Variants in FRY observed in about 807,000 individuals in gnomAD.
FRY encodes protein furry homolog.
Under a neutral mutation model 348.4 loss-of-function variants are expected in FRY, and 128 were observed. The observed-to-expected ratio is 0.37, with a 90% CI of 0.32 to 0.43. The LOEUF is 0.43. Among genes scored for constraint, FRY ranks in the 20% least tolerant of loss-of-function variants. The pLI, the probability that FRY is intolerant of heterozygous loss-of-function variation, is 1.00. For synonymous variants in FRY, 1,370 were observed against 1,374.7 expected (o/e 1.00, Z 0.08); for missense variants, 2,736 against 3,695.2 (o/e 0.74, Z 6.73).
chr13:32,155,772 G>A, intron 15 of FRY, 110 bp downstream of exon 15: 1 of 687,832 alleles, frequency 1.5e-6, no homozygotes, highest in Admixed American at 2.9e-5. Flanking sequence ...AGAAGTAGAT[G>A]ATAAGACATT....
Position 32,186,364 on chromosome 13 carries a change from G to A in FRY, c.3424G>A (p.Asp1142Asn). ...CTTCAGCATTATGTTCACTCCTCTGGATCGTTACAGTGACAGAAATCATCA... is the reference window on the plus strand; with the variant it reads ...CTTCAGCATTATGTTCACTCCTCTGAATCGTTACAGTGACAGAAATCATCA... ...GPFSIMFTPLDRYSDRNHQIT... is the reference protein window; with the variant it reads ...GPFSIMFTPLNRYSDRNHQIT... The change falls in exon 27 of 61, where the codon GAT (aspartate) becomes AAT (asparagine). Residue 1142 changes from aspartate (D) to asparagine (N), a missense_variant. Around this residue, in one of 9 missense-constraint regions of FRY, gnomAD observed 33 missense variants for 86.7 expected, o/e 0.38. Coordinates refer to ENST00000542859, the MANE Select transcript of FRY (RefSeq NM_023037.3). 1 of 1,609,112 alleles carries A rather than the reference G, an allele frequency of 6.2e-7. No individual in the cohort carries two copies.
chr13:32,114,660 T>C (rs912818690), intron 3 of FRY, among the ~76,000 whole-genome samples: 3 of 152,214 alleles, frequency 2.0e-5, no homozygotes, highest in African/African-American at 4.8e-5. Flanking sequence ...ACCTATGTAA[T>C]AATTAAGATA....
In FRY at chr13:32,101,130, G is replaced by A. The variant is rs115886613; in HGVS notation, c.271-833G>A. 5.8e-3 allele frequency among the ~76,000 whole-genome samples: 874 copies of A among 151,916 alleles called. 4 individuals are homozygous for A. The highest frequency in any genetic ancestry group is 0.018 in the African/African-American group (756 of 41,388). ...TTCCATTTCCTCTCATTCCTCTCTC[G>A]CCAGCCCCTGGTAACTACCATTCTA... On this transcript the variant is annotated intron_variant, in intron 2 of 60. Coordinates refer to ENST00000542859, the MANE Select transcript of FRY (RefSeq NM_023037.3).
chr13:32,149,762 T>G lies in FRY; in HGVS notation c.1407T>G (p.Phe469Leu), dbSNP rs1389136273. ...TTTTACTACAGGAACGTTTAGATTT[T>G]GCAATGAAAGAAATCATTTTCGATT... ...IQFIAQERLD[F>L]AMKEIIFDFL... The change falls in exon 14 of 61, where the codon TTT becomes TTG. Residue 469 changes from phenylalanine (F) to leucine (L), a missense_variant. By Grantham distance (22) the Phe-to-Leu change is conservative. This residue lies in a region of FRY where 191 missense variants were observed against 370.2 expected (regional missense o/e 0.52). Coordinates refer to ENST00000542859, the MANE Select transcript of FRY (RefSeq NM_023037.3). The G allele has an allele frequency of 1.0e-5, 16 of 1,599,448 alleles. No individual in the cohort carries two copies. The highest frequency in any genetic ancestry group is 1.3e-5 in the Non-Finnish European group (15 of 1,166,808).
chr13:32,213,365 A>G (rs1452665334), intron 35 of FRY, among the ~76,000 whole-genome samples: 2 of 152,198 alleles, frequency 1.3e-5, no homozygotes, highest in Non-Finnish European at 2.9e-5. Flanking sequence ...TCCTCACTGC[A>G]TCACTGGGCA....
intron 17 of FRY, among the ~76,000 whole-genome samples, chr13:32,162,277 C>T (rs1310744940): frequency 6.6e-6 from 1 of 152,134 alleles, no homozygotes; most frequent in Non-Finnish European, 1.5e-5. Flanking sequence ...AATAGTCATG[C>T]TGACTGAATG....
chr13:32,096,327 AG>A (rs1566068260), intron 2 of FRY, among the ~76,000 whole-genome samples: 2 of 149,258 alleles, frequency 1.3e-5, no homozygotes, highest in African/African-American at 5.1e-5. Context: ...ACTGTGTACT[AG>A]GGGTATGGAG....
intron 1 of FRY, among the ~76,000 whole-genome samples, chr13:32,064,335 G>C (rs1015014281): frequency 1.3e-5 from 2 of 151,856 alleles, no homozygotes; most frequent in African/African-American, 4.8e-5. Flanking sequence ...TCTATCAACA[G>C]TTATTTCTAG....
chr13:32,121,491 G>C (rs1205694709), intron 4 of FRY, among the ~76,000 whole-genome samples: 1 of 152,052 alleles, frequency 6.6e-6, no homozygotes, highest in African/African-American at 2.4e-5. Flanking sequence ...GAGTAAGTTG[G>C]TATCACATGT....
At chr13:32,056,035 A>G (rs1446609328) in intron 1 of FRY, among the ~76,000 whole-genome samples, 2 of 152,038 alleles carry the variant, frequency 1.3e-5, no homozygotes, top group Non-Finnish European at 2.9e-5. Flanking sequence ...TACTAAAAAT[A>G]CAAAAATTAG....
At chr13:32,046,460 C>A (rs1873020965) in intron 1 of FRY, among the ~76,000 whole-genome samples, 1 of 152,190 alleles carries the variant, frequency 6.6e-6, no homozygotes, top group Non-Finnish European at 1.5e-5. Flanking sequence ...GACCAAGCCT[C>A]CATCTCCTCT....
At chr13:32,230,227 C>T (rs1037426881) in intron 40 of FRY, among the ~76,000 whole-genome samples, 4 of 152,176 alleles carry the variant, frequency 2.6e-5, no homozygotes, top group Non-Finnish European at 4.4e-5. Flanking sequence ...TTCTACCCTC[C>T]GCCCTCCAGT....
At position 32,104,879 on chromosome 13, in the gene FRY, T is replaced by C. The variant is rs535617872; in HGVS notation, c.324+2863T>C. On this transcript the variant is annotated intron_variant, in intron 3 of 60. Transcript: ENST00000542859. ...TCTTGCCTGCTGCCATTGTAAGACG[T>C]GACTTTGCTCCTCATTCACCCCTGT... Among the ~76,000 whole-genome samples the C allele has an allele frequency of 4.6e-5, 7 of 152,346 alleles. 1 individual carries two copies. The highest frequency in any genetic ancestry group is 2.6e-4 in the Admixed American group (4 of 15,302).
chr13:32,172,062 G>T (rs1043798649), intron 18 of FRY, among the ~76,000 whole-genome samples: 3 of 124,822 alleles, frequency 2.4e-5, no homozygotes, highest in Non-Finnish European at 3.5e-5. Context: ...GGATGTGGAT[G>T]TAGGTGTGGG....
At chr13:32,034,015 G>C (rs1413530675) in intron 1 of FRY, among the ~76,000 whole-genome samples, 1 of 152,180 alleles carries the variant, frequency 6.6e-6, no homozygotes, top group African/African-American at 2.4e-5. Flanking sequence ...TGGCTGAGAG[G>C]ATGCACCATG....
chr13:32,171,468 A>G (rs549079111), intron 18 of FRY, among the ~76,000 whole-genome samples, 198 bp downstream of exon 18: 2 of 151,692 alleles, frequency 1.3e-5, no homozygotes, highest in African/African-American at 4.8e-5. Flanking sequence ...ACAACATCAC[A>G]CCTGGCTAAT....
intron 26 of FRY, among the ~76,000 whole-genome samples, chr13:32,185,785 A>G (rs559328408): frequency 6.6e-6 from 1 of 152,344 alleles, no homozygotes; most frequent in African/African-American, 2.4e-5. Flanking sequence ...TTTTGATGTT[A>G]ATAACCTTCT....
chr13:32,203,291 T>C (rs1884151754), intron 31 of FRY, among the ~76,000 whole-genome samples: 1 of 152,218 alleles, frequency 6.6e-6, no homozygotes, highest in Admixed American at 6.5e-5. Flanking sequence ...TTTTGCTACA[T>C]ATGTAAGTTG....
chr13:32,092,316 A>G (rs1304230185), intron 2 of FRY, among the ~76,000 whole-genome samples: 1 of 152,202 alleles, frequency 6.6e-6, no homozygotes, highest in Non-Finnish European at 1.5e-5. Flanking sequence ...ACACGTCTTG[A>G]TATATCAGAC....
Sources: gnomAD v4.1 joint callset for allele counts (sites outside exome capture counted in the v4.1 genomes callset) on GRCh38, gnomAD v4.1.1 for gene constraint, gnomAD v4.1.1 regional missense constraint, MANE v1.5 for transcripts, NCBI Gene and HGNC (gene_info 2026-07-23, HGNC 2026-07-21) for gene names.